CCSER1: variants seen among roughly 807,000 people sequenced by gnomAD.
The protein encoded by CCSER1 is serine-rich coiled-coil domain-containing protein 1.
Under a neutral mutation model 82.0 loss-of-function variants are expected in CCSER1, and 41 were observed. The observed-to-expected ratio is 0.50, with a 90% CI of 0.39 to 0.65. The LOEUF is 0.65. Among genes scored for constraint, CCSER1 ranks in the 30% least tolerant of loss-of-function variants. CCSER1 has a pLI of 0.00. For missense variants in CCSER1, 1,119 were observed against 1,064.2 expected (o/e 1.05, Z -0.72); for synonymous variants, 414 against 383.9 (o/e 1.08, Z -0.92).
At chr4:90,282,693 A>G (rs1228890883) in intron 1 of CCSER1, among the ~76,000 whole-genome samples, 1 of 151,958 alleles carries the variant, frequency 6.6e-6, no homozygotes, top group Non-Finnish European at 1.5e-5. Context: ...ACTGAATACT[A>G]TTGGTTAAAG....
intron 1 of CCSER1, among the ~76,000 whole-genome samples, chr4:90,201,178 C>A (rs1402949962): frequency 6.6e-6 from 1 of 152,162 alleles, no homozygotes; most frequent in African/African-American, 2.4e-5. Context: ...CAAATATACA[C>A]ATTAAACTCT....
intron 3 of CCSER1, among the ~76,000 whole-genome samples, chr4:90,351,774 T>C (rs1743492638): frequency 6.6e-6 from 1 of 152,152 alleles, no homozygotes; most frequent in Non-Finnish European, 1.5e-5. Flanking sequence ...AATTTTTTGT[T>C]TTTTGTCTAC....
At chr4:90,956,340 G>T (rs979372794) in intron 9 of CCSER1, among the ~76,000 whole-genome samples, 1 of 151,906 alleles carries the variant, frequency 6.6e-6, no homozygotes, top group Non-Finnish European at 1.5e-5. Context: ...TCATTTCTTC[G>T]TATAGAAAAA....
chr4:90,133,736 A>G (rs1723191484), intron 1 of CCSER1, among the ~76,000 whole-genome samples: 1 of 152,064 alleles, frequency 6.6e-6, no homozygotes, highest in Non-Finnish European at 1.5e-5. Context: ...GCCCTGTTAT[A>G]TATAGTTTTG....
chr4:90,898,209 C>T (rs1298895249), intron 8 of CCSER1, among the ~76,000 whole-genome samples: 7 of 142,732 alleles, frequency 4.9e-5, no homozygotes, highest in Non-Finnish European at 1.1e-4. Flanking sequence ...AAGAGTTTTT[C>T]CTAGATTTTC....
intron 6 of CCSER1, among the ~76,000 whole-genome samples, chr4:90,694,822 GTGTGTT>G (rs1237979558): frequency 1.4e-5 from 2 of 142,142 alleles, no homozygotes; most frequent in African/African-American, 5.0e-5. Flanking sequence ...GTGTGTGTGT[GTGTGTT>G]TTAGTTTATG....
intron 7 of CCSER1, chr4:90,780,432 G>A (rs1392175623): frequency 1.9e-6 from 3 of 1,609,662 alleles, no homozygotes; most frequent in Non-Finnish European, 2.5e-6. Context: ...TATTTTTATT[G>A]TTTTTACAGA....
chr4:90,919,539 TA>T (rs1246771496), intron 8 of CCSER1, among the ~76,000 whole-genome samples: 1 of 151,888 alleles, frequency 6.6e-6, no homozygotes, highest in Non-Finnish European at 1.5e-5. Flanking sequence ...TTATTAGTAG[TA>T]ATAATTAAAG....
chr4:90,534,117 AT>A (rs1385051650), intron 5 of CCSER1, among the ~76,000 whole-genome samples: 1 of 152,150 alleles, frequency 6.6e-6, no homozygotes, highest in African/African-American at 2.4e-5. Context: ...GAACAGAAAT[AT>A]GTGCCAGCTC....
intron 4 of CCSER1, among the ~76,000 whole-genome samples, chr4:90,404,847 A>G (rs572895462): frequency 2.0e-5 from 3 of 152,330 alleles, no homozygotes; most frequent in Non-Finnish European, 2.9e-5. Flanking sequence ...TCTGTGGGAC[A>G]AAAGAATCTG....
rs559468068 is a variant in CCSER1 at position 91,085,952 on chromosome 4, T to C, written c.2175T>C (p.Gly725=). Residue 725 remains glycine (G), a splice_region_variant and synonymous_variant, in exon 10 of 11, where the codon GGT becomes GGC. Transcript: ENST00000509176. ...TATACTTTGCTTTTCTTTTTCAGGG[T>C]TTAAACTTGAAAAGACTAGAGACAG... ...STQTELLCYD[G]LNLKRLETVQ... is the part of the protein sequence containing the mutation. The C allele has an allele frequency of 6.6e-7, 1 of 1,514,512 alleles. No individual in the cohort carries two copies. Among genetic ancestry groups the C allele is most frequent in the Non-Finnish European group, 9.0e-7 (1 of 1,114,004 alleles). 93.8% of individuals were successfully genotyped at this position (1,514,512 alleles called of 1,614,324 possible). A position where few individuals can be genotyped will look rare whatever the true frequency, so the allele number is the denominator to read the frequency against.
chr4:90,177,776 A>G (rs185816787), intron 1 of CCSER1, among the ~76,000 whole-genome samples: 131 of 152,224 alleles, frequency 8.6e-4, no homozygotes, highest in Middle Eastern at 6.8e-3. Flanking sequence ...CCATTTAAGC[A>G]GTATCTCATA....
At chr4:91,348,895 AAATT>A (rs1748256318) in intron 10 of CCSER1, among the ~76,000 whole-genome samples, 9 of 151,996 alleles carry the variant, frequency 5.9e-5, no homozygotes, top group South Asian at 2.1e-4. Flanking sequence ...TGATTTTTTA[AAATT>A]AATTAATTAA....
At chr4:90,858,149 T>A (rs139452072) in intron 8 of CCSER1, among the ~76,000 whole-genome samples, 81 of 152,220 alleles carry the variant, frequency 5.3e-4, no homozygotes, top group African/African-American at 1.9e-3. Context: ...TATTAGATTG[T>A]GATTCTAGAG....
At chr4:90,945,013 G>T (rs187055933) in intron 9 of CCSER1, among the ~76,000 whole-genome samples, 13 of 152,172 alleles carry the variant, frequency 8.5e-5, no homozygotes, top group Non-Finnish European at 1.3e-4. Context: ...AGTTATTTTG[G>T]TTTCTCTTCC....
chr4:90,183,544 CACAT>C (rs1734075726), intron 1 of CCSER1, among the ~76,000 whole-genome samples: 5 of 152,190 alleles, frequency 3.3e-5, no homozygotes, highest in African/African-American at 1.2e-4. Flanking sequence ...AGTGCACACA[CACAT>C]GCATGCACAC....
chr4:90,449,842 G>T (rs1186171356), intron 4 of CCSER1, among the ~76,000 whole-genome samples: 1 of 152,206 alleles, frequency 6.6e-6, no homozygotes, highest in East Asian at 1.9e-4. Context: ...AGCCACAGCT[G>T]GGTGGCTGCA....
intron 8 of CCSER1, among the ~76,000 whole-genome samples, chr4:90,851,813 G>A (rs1299779501): frequency 6.6e-6 from 1 of 152,104 alleles, no homozygotes. Context: ...TAGCTTAAAT[G>A]TACAGCCATT....
At chr4:90,739,093 G>A (rs6532238) in intron 7 of CCSER1, among the ~76,000 whole-genome samples, 5 of 152,216 alleles carry the variant, frequency 3.3e-5, no homozygotes, top group Admixed American at 2.0e-4. Context: ...AGCCAGCATA[G>A]CTCTGAGTCT....
Sources: allele counts gnomAD v4.1 joint callset (sites outside exome capture counted in the v4.1 genomes callset), GRCh38; gene constraint gnomAD v4.1.1; transcripts MANE v1.5; gene names NCBI Gene and HGNC (gene_info 2026-07-23, HGNC 2026-07-21).